The following USP43 variants were observed in gnomAD, a reference collection of about 807,000 sequenced individuals.
The protein encoded by USP43 is ubiquitin specific peptidase 43.
Under a neutral mutation model 90.7 loss-of-function variants are expected in USP43, and 33 were observed. That is an observed-to-expected ratio of 0.36 (90% CI 0.28 to 0.49). USP43 has a LOEUF of 0.49. Among genes scored for constraint, USP43 ranks in the 20% least tolerant of loss-of-function variants. The pLI, the probability that USP43 is intolerant of heterozygous loss-of-function variation, is 0.98. For synonymous variants in USP43, 598 were observed against 615.8 expected, an observed-to-expected ratio of 0.97 and a Z score of 0.43; for missense variants, 1,274 against 1,476.4, an observed-to-expected ratio of 0.86 and a Z score of 2.25.
chr17:9,726,578 A>G (rs1037330990), intron 14 of USP43, among the ~76,000 whole-genome samples: 2 of 152,148 alleles, frequency 1.3e-5, no homozygotes, highest in East Asian at 1.9e-4. Context: ...TAGCTCTTCA[A>G]CCTCTTCTTA....
chr17:9,713,077 T>G (rs1916299801), intron 14 of USP43, among the ~76,000 whole-genome samples: 1 of 152,004 alleles, frequency 6.6e-6, no homozygotes, highest in Admixed American at 6.6e-5. Context: ...GAGAACTTAT[T>G]TTATCTAACT....
At chr17:9,647,964 T>G (rs1250607495) in intron 1 of USP43, among the ~76,000 whole-genome samples, 1 of 151,802 alleles carries the variant, frequency 6.6e-6, no homozygotes, top group East Asian at 1.9e-4. Flanking sequence ...GAGCTTGCAG[T>G]GAGCCGAGAT....
chr17:9,724,284 G>A (rs1048650436), intron 14 of USP43, among the ~76,000 whole-genome samples: 1 of 152,118 alleles, frequency 6.6e-6, no homozygotes, highest in African/African-American at 2.4e-5. Context: ...TACCTTAACG[G>A]GGACCAGAGG....
At chr17:9,669,918 G>C (rs9910013) in intron 3 of USP43, 1,798 of 152,832 alleles carry the variant, frequency 0.012, 39 homozygotes, top group African/African-American at 0.041. Flanking sequence ...GGAGAGGTGG[G>C]TGGGGACCTG....
chr17:9,674,249 A>G lies in USP43; in HGVS notation c.741-642A>G, dbSNP rs1184748816. ...AGTGCATTTATGTGTGTCACTAAAC[A>G]TTCTTTTCCCTTTTAAAAAAACGGA... On this transcript the variant is annotated intron_variant, in intron 3 of 14. Transcript: ENST00000285199. The surrounding 1 kb of genome is among the most constrained non-coding windows in gnomAD (Gnocchi z 4.4). Among the ~76,000 whole-genome samples the G allele has an allele frequency of 6.6e-6, 1 of 152,106 alleles. No individual in the cohort carries two copies. Among genetic ancestry groups the G allele is most frequent in the Non-Finnish European group, 1.5e-5 (1 of 68,026 alleles).
intron 1 of USP43, among the ~76,000 whole-genome samples, chr17:9,647,848 C>CAAAA (rs35223665): frequency 3.7e-4 from 30 of 82,056 alleles, no homozygotes; most frequent in African/African-American, 1.1e-3. Context: ...ACTAAAAATC[C>CAAAA]AAAAAAAAAA....
In USP43 at chr17:9,728,463, G is replaced by A; in HGVS notation, c.2845G>A (p.Gly949Ser). ...VEHEKPARPE[G>S]QKAMNWKESF... ...GCATGAGAAACCAGCTCGACCGGAGGGCCAGAAGGCCATGAACTGGAAGGA... is the reference window on the plus strand; with the variant it reads ...GCATGAGAAACCAGCTCGACCGGAGAGCCAGAAGGCCATGAACTGGAAGGA... The change falls in exon 15 of 15, where the codon GGC (glycine) becomes AGC (serine). Residue 949 changes from glycine to serine, a missense_variant. Transcript: ENST00000285199. This position sits in a 1 kb window ranked among gnomAD's most constrained non-coding sequence, Gnocchi z 6.2. 1 of 1,613,384 alleles carries A rather than the reference G, an allele frequency of 6.2e-7. No individual in the cohort carries two copies. The highest frequency in any genetic ancestry group is 1.6e-4 in the Middle Eastern group (1 of 6,062).
intron 9 of USP43, among the ~76,000 whole-genome samples, chr17:9,694,396 ACT>A (rs1412974131): frequency 6.6e-6 from 1 of 152,118 alleles, no homozygotes; most frequent in African/African-American, 2.4e-5. Flanking sequence ...CCCTTCCCAC[ACT>A]CAGTCTTGGA....
chr17:9,701,498 C>T lies in USP43; in HGVS notation c.1809C>T (p.Ser603=), dbSNP rs1915568105. ...CQVGERRNKL[S]TLVKFPLSGL... is the part of the protein sequence containing the mutation. ...TGGGCGAGAGAAGAAACAAGCTCTC[C>T]ACGCTGGTGAAGTTTCCGCTCTCTG... Residue 603 remains serine (S), a synonymous_variant, in exon 12 of 15, where the codon TCC becomes TCT. Coordinates refer to ENST00000285199, the MANE Select transcript of USP43 (RefSeq NM_153210.5). The surrounding 1 kb of genome is among the most constrained non-coding windows in gnomAD (Gnocchi z 7.2). 3 of 1,570,888 alleles carry T rather than the reference C, an allele frequency of 1.9e-6. No individual in the cohort carries two copies. Among genetic ancestry groups the T allele is most frequent in the African/African-American group, 1.4e-5 (1 of 74,014 alleles).
At chr17:9,711,598 T>A (rs1285321776) in intron 13 of USP43, among the ~76,000 whole-genome samples, 1 of 151,858 alleles carries the variant, frequency 6.6e-6, no homozygotes, top group East Asian at 1.9e-4. Flanking sequence ...CCCAGCTAAT[T>A]TTTTGTATTT....
chr17:9,656,288 G>C (rs1567647103), intron 1 of USP43, 115 bp from the exon 2 acceptor site: 1 of 1,341,460 alleles, frequency 7.5e-7, no homozygotes, highest in Non-Finnish European at 1.0e-6. Context: ...TTTGTGTGCT[G>C]TCATCCCAGG....
Position 9,647,143 on chromosome 17 carries a change from T to TACAG in USP43, c.504+1010_504+1013dup, listed in dbSNP as rs34852787. 2.0e-5 allele frequency: 3 copies of TACAG among 149,492 alleles called. No individual in the cohort carries two copies. The East Asian group carries it at 6.1e-4, about 30-fold the overall frequency. 9.3% of individuals were successfully genotyped at this position (149,492 alleles called of 1,614,324 possible). On this transcript the variant is annotated intron_variant, in intron 1 of 14. Coordinates refer to ENST00000285199, the MANE Select transcript of USP43 (RefSeq NM_153210.5). ...CTCTGGGCAGAGAACTGAAGCTCCC[T>TACAG]ACAGACTAGTGATTGTTGTTCTTGG...
intron 1 of USP43, among the ~76,000 whole-genome samples, chr17:9,650,187 T>A (rs901101615): frequency 6.6e-6 from 1 of 152,230 alleles, no homozygotes; most frequent in Non-Finnish European, 1.5e-5. Flanking sequence ...CAGCTGTGAT[T>A]ATTCCCATAA....
chr17:9,703,795 C>T (rs771614055), intron 12 of USP43, among the ~76,000 whole-genome samples: 1 of 152,190 alleles, frequency 6.6e-6, no homozygotes, highest in African/African-American at 2.4e-5. Context: ...GCCACCCTGG[C>T]TCCAGGGTCA....
At chr17:9,654,723 T>C (rs1912114354) in intron 1 of USP43, among the ~76,000 whole-genome samples, 2 of 151,960 alleles carry the variant, frequency 1.3e-5, no homozygotes, top group South Asian at 4.1e-4. Context: ...TGTCTCATCC[T>C]AAAATCTCCT....
intron 1 of USP43, among the ~76,000 whole-genome samples, chr17:9,649,845 A>G (rs145631296): frequency 0.012 from 1,855 of 152,166 alleles, 31 homozygotes; most frequent in African/African-American, 0.042. Flanking sequence ...GTTACAAGAC[A>G]TTTTCCTAGT....
chr17:9,656,867 A>G (rs1276101687), intron 2 of USP43, among the ~76,000 whole-genome samples: 1 of 152,162 alleles, frequency 6.6e-6, no homozygotes, highest in Non-Finnish European at 1.5e-5. Flanking sequence ...GTTCCTTATT[A>G]TTTGCAGATG....
At chr17:9,654,856 G>T (rs1173617234) in intron 1 of USP43, among the ~76,000 whole-genome samples, 1 of 151,628 alleles carries the variant, frequency 6.6e-6, no homozygotes, top group Non-Finnish European at 1.5e-5. Context: ...TCCTGCCTCA[G>T]TCTCCCAAGT....
At chr17:9,722,676 T>C (rs1917030243) in intron 14 of USP43, among the ~76,000 whole-genome samples, 1 of 152,196 alleles carries the variant, frequency 6.6e-6, no homozygotes. Context: ...TTCACCACTG[T>C]CTTCTCTCCT....
Sources: allele counts gnomAD v4.1 joint callset (sites outside exome capture counted in the v4.1 genomes callset), GRCh38; gene constraint gnomAD v4.1.1; non-coding constraint Gnocchi (gnomAD v3.1); transcripts MANE v1.5; gene names NCBI Gene and HGNC (gene_info 2026-07-23, HGNC 2026-07-21).